LHPP: variants seen among roughly 807,000 people sequenced by gnomAD.
The protein encoded by LHPP is phospholysine phosphohistidine inorganic pyrophosphate phosphatase.
In LHPP, 24 loss-of-function variants were observed where a neutral mutation model predicts 30.3. The observed-to-expected ratio is 0.79, with a 90% CI of 0.57 to 1.11. LHPP has a LOEUF of 1.11. LHPP is among the 50% of genes most tolerant of loss of function. The probability of loss-of-function intolerance (pLI) is 0.00; values close to 1 mark genes in which losing one functional copy is unlikely to be tolerated. For synonymous variants in LHPP, 150 were observed against 157.1 expected (o/e 0.95, Z 0.34); for missense variants, 356 against 367.2 (o/e 0.97, Z 0.25).
Position 124,484,247 on chromosome 10 carries a change from G to T in LHPP, c.234G>T (p.Gln78His). 5.0e-6 allele frequency: 8 copies of T among 1,614,116 alleles called. No individual in the cohort carries two copies. The highest frequency in any genetic ancestry group is 6.8e-6 in the Non-Finnish European group (8 of 1,180,036). The change falls in exon 2 of 7, where the codon CAG becomes CAT. Residue 78 changes from glutamine (Q) to histidine (H), a missense_variant. Physicochemically the swap from Gln to His is conservative, Grantham distance 24 (BLOSUM62 0). Coordinates refer to ENST00000368842, the MANE Select transcript of LHPP (RefSeq NM_022126.4). ...GGCTGGGATTTGACATCTCTGAGCA[G>T]GAGGTGACCGCCCCGGCACCAGCTG... ...LQRLGFDISE[Q>H]EVTAPAPAAC...
At chr10:124,612,991 G>A (rs1299922413) in intron 6 of LHPP, 2 of 520,450 alleles carry the variant, frequency 3.8e-6, no homozygotes, top group East Asian at 3.3e-5. Context: ...AGCTGGGCCG[G>A]CTGTCACTCC....
chr10:124,521,192 G>T (rs1047694164), intron 6 of LHPP, among the ~76,000 whole-genome samples: 1 of 152,312 alleles, frequency 6.6e-6, no homozygotes, highest in South Asian at 2.1e-4. Context: ...AATTGCCTGC[G>T]TGGTGCTCCC....
intron 6 of LHPP, among the ~76,000 whole-genome samples, chr10:124,608,835 G>A (rs1237966328): frequency 1.3e-5 from 2 of 152,242 alleles, no homozygotes; most frequent in African/African-American, 4.8e-5. Flanking sequence ...GCAGCCTCAA[G>A]GGGACCTTGG....
At chr10:124,568,042 AGGG>A (rs1056340281) in intron 6 of LHPP, among the ~76,000 whole-genome samples, 1 of 151,836 alleles carries the variant, frequency 6.6e-6, no homozygotes, top group African/African-American at 2.4e-5. Context: ...CCTCCTTAGT[AGGG>A]GGGGACTACA....
At chr10:124,502,648 G>A (rs1245959003) in intron 5 of LHPP, among the ~76,000 whole-genome samples, 3 of 141,648 alleles carry the variant, frequency 2.1e-5, no homozygotes, top group South Asian at 2.2e-4. Flanking sequence ...GATTACAGAC[G>A]TGAGCCACCA....
intron 6 of LHPP, among the ~76,000 whole-genome samples, chr10:124,608,312 A>G (rs946675295): frequency 1.3e-5 from 2 of 151,868 alleles, no homozygotes; most frequent in African/African-American, 4.8e-5. Flanking sequence ...GGAAGGCTCA[A>G]GGCCGGTCAT....
intron 6 of LHPP, among the ~76,000 whole-genome samples, chr10:124,573,503 G>A (rs777244435): frequency 6.6e-6 from 1 of 152,186 alleles, no homozygotes; most frequent in Non-Finnish European, 1.5e-5. Context: ...TAGAGACAGG[G>A]TCTCACTGTG....
chr10:124,538,282 G>C (rs934058669), intron 6 of LHPP, among the ~76,000 whole-genome samples: 2 of 152,200 alleles, frequency 1.3e-5, no homozygotes, highest in African/African-American at 4.8e-5. Context: ...CTCTCCCTGG[G>C]GTCTGTAAGC....
At chr10:124,491,254 C>G (rs1296895009) in intron 3 of LHPP, among the ~76,000 whole-genome samples, 2 of 152,214 alleles carry the variant, frequency 1.3e-5, no homozygotes, top group African/African-American at 2.4e-5. Flanking sequence ...TGTGGGAATT[C>G]CGAGGCGGTG....
rs533896126 is a variant in LHPP, at chr10:124,596,932, G to A, written c.717-16332G>A. ...CTTTTGAGTCGGTGGACCGGGTGAC[G>A]GAGACCCACCCTCCGTGTGGGTGGG... is the stretch of plus-strand genomic sequence containing the variant. On this transcript the variant is annotated intron_variant, in intron 6 of 6. Transcript: ENST00000368842. The surrounding 1 kb of genome is among the most constrained non-coding windows in gnomAD (Gnocchi z 4.6). 3.9e-4 allele frequency among the ~76,000 whole-genome samples: 59 copies of A among 152,298 alleles called. No homozygotes were observed. Among genetic ancestry groups the A allele is most frequent in the Non-Finnish European group, 6.8e-4 (46 of 68,020 alleles).
At chr10:124,462,974 T>C (rs1952448261) in intron 1 of LHPP, among the ~76,000 whole-genome samples, 1 of 152,184 alleles carries the variant, frequency 6.6e-6, no homozygotes, top group Non-Finnish European at 1.5e-5. Flanking sequence ...TTCAAGCGAT[T>C]CTCCTGCCTC....
rs4962664 is a variant in LHPP, at chr10:124,592,024, A to G, written c.717-21240A>G. Among the ~76,000 whole-genome samples, 81,314 of 151,994 alleles carry G rather than the reference A, an allele frequency of 0.53. 22,415 individuals carry two copies. Among genetic ancestry groups the G allele is most frequent in the South Asian group, 0.63 (3,022 of 4,818 alleles). ...TGTAACACACCCTAGACAAGTCAGC[A>G]CTCAAGTTTATATGGACAAATAAGC... On this transcript the variant is annotated intron_variant, in intron 6 of 6. Transcript: ENST00000368842. The surrounding 1 kb of genome is among the most constrained non-coding windows in gnomAD (Gnocchi z 6.2).
intron 6 of LHPP, among the ~76,000 whole-genome samples, chr10:124,525,483 A>G (rs978179841): frequency 6.6e-6 from 1 of 152,108 alleles, no homozygotes; most frequent in African/African-American, 2.4e-5. Context: ...AGGGAGGCCC[A>G]TGTTCTTCCC....
At chr10:124,466,782 A>G (rs988230604) in intron 1 of LHPP, among the ~76,000 whole-genome samples, 4 of 152,032 alleles carry the variant, frequency 2.6e-5, no homozygotes, top group East Asian at 1.9e-4. Context: ...AGATTTTTAA[A>G]CTATGTGAAT....
At chr10:124,551,044 C>T (rs577173783) in intron 6 of LHPP, among the ~76,000 whole-genome samples, 2 of 152,328 alleles carry the variant, frequency 1.3e-5, no homozygotes, top group South Asian at 4.1e-4. Flanking sequence ...TTCTACACAA[C>T]CCATCTGTAA....
chr10:124,546,393 G>GT (rs1210679638), intron 6 of LHPP, among the ~76,000 whole-genome samples: 1 of 151,806 alleles, frequency 6.6e-6, no homozygotes, highest in Non-Finnish European at 1.5e-5. Flanking sequence ...GTGGTTGTAT[G>GT]TTTTTTTGTT....
chr10:124,606,906 C>A (rs1949102661), intron 6 of LHPP, among the ~76,000 whole-genome samples: 1 of 152,248 alleles, frequency 6.6e-6, no homozygotes, highest in South Asian at 2.1e-4. Flanking sequence ...GTGTCCCATG[C>A]CTGTCCCCTC....
At chr10:124,554,991 A>G (rs1948270029) in intron 6 of LHPP, among the ~76,000 whole-genome samples, 1 of 152,260 alleles carries the variant, frequency 6.6e-6, no homozygotes, top group Admixed American at 6.5e-5. Flanking sequence ...CAGCAGCTTT[A>G]TGCGGCTGGC....
intron 4 of LHPP, among the ~76,000 whole-genome samples, 160 bp downstream of exon 4, chr10:124,497,184 C>T (rs1953742540): frequency 6.6e-6 from 1 of 152,218 alleles, no homozygotes; most frequent in Middle Eastern, 3.4e-3. Context: ...TGGCCGGGCC[C>T]TCGGGCCCTC....
Sources: allele counts gnomAD v4.1 joint callset (sites outside exome capture counted in the v4.1 genomes callset), GRCh38; gene constraint gnomAD v4.1.1; non-coding constraint Gnocchi (gnomAD v3.1); transcripts MANE v1.5; gene names NCBI Gene and HGNC (gene_info 2026-07-23, HGNC 2026-07-21).